Variants in RAB3GAP2 observed in about 807,000 individuals in gnomAD.
RAB3GAP2 encodes the protein RAB3 GTPase activating non-catalytic protein subunit 2, also known as rab3 GTPase-activating protein non-catalytic subunit.
Under a neutral mutation model 185.3 loss-of-function variants are expected in RAB3GAP2, and 87 were observed. The ratio of observed to expected loss-of-function variants is 0.47; its 90% confidence interval spans 0.39 to 0.56. The LOEUF (loss-of-function observed/expected upper bound fraction) is 0.56, where lower values mean the gene tolerates loss of function less well. RAB3GAP2 is among the 20% of genes least tolerant of loss of function. The probability of loss-of-function intolerance (pLI) is 0.00; values close to 1 mark genes in which losing one functional copy is unlikely to be tolerated. For synonymous variants in RAB3GAP2, 554 were observed against 576.1 expected (o/e 0.96, Z 0.55); for missense variants, 1,492 against 1,638.2 (o/e 0.91, Z 1.54).
At chr1:220,245,410 A>T (rs12562531) in intron 1 of RAB3GAP2, among the ~76,000 whole-genome samples, 2 of 152,090 alleles carry the variant, frequency 1.3e-5, no homozygotes, top group Non-Finnish European at 1.5e-5. Flanking sequence ...TGGTGACGGA[A>T]GCACCTGGAA....
At chr1:220,202,190 A>C (rs1157013874) in intron 9 of RAB3GAP2, 86 bp downstream of exon 9, 3 of 1,389,110 alleles carry the variant, frequency 2.2e-6, no homozygotes, top group Non-Finnish European at 2.9e-6. Flanking sequence ...TAAATAAAGA[A>C]TAAATGCCCA....
chr1:220,235,834 AAAAG>A (rs1659580744), intron 1 of RAB3GAP2, among the ~76,000 whole-genome samples: 1 of 152,204 alleles, frequency 6.6e-6, no homozygotes, highest in South Asian at 2.1e-4. Context: ...AACCTCCAAG[AAAAG>A]AAAGACCTTG....
Position 220,226,227 on chromosome 1 carries a change from C to T in RAB3GAP2, c.180+6572G>A, listed in dbSNP as rs74139294. Among the ~76,000 whole-genome samples, 1,227 of 152,270 alleles carry T rather than the reference C, an allele frequency of 8.1e-3. 13 individuals carry two copies. Among genetic ancestry groups the T allele is most frequent in the African/African-American group, 0.028 (1,175 of 41,554 alleles). ...TATTGAGCAAATCCCCAAGTCTATACTTCCTACCATTGGCCTTAATACACC... is the reference window on the plus strand; with the variant it reads ...TATTGAGCAAATCCCCAAGTCTATATTTCCTACCATTGGCCTTAATACACC... On this transcript the variant is annotated intron_variant, in intron 2 of 34. Coordinates refer to ENST00000358951, the MANE Select transcript of RAB3GAP2 (RefSeq NM_012414.4).
At chr1:220,237,191 G>C (rs1320241526) in intron 1 of RAB3GAP2, among the ~76,000 whole-genome samples, 3 of 152,144 alleles carry the variant, frequency 2.0e-5, no homozygotes, top group African/African-American at 7.2e-5. Flanking sequence ...TCTAGATCCA[G>C]TGTAAAGATT....
chr1:220,240,768 T>G (rs1659683464), intron 1 of RAB3GAP2, among the ~76,000 whole-genome samples: 1 of 152,162 alleles, frequency 6.6e-6, no homozygotes, highest in Non-Finnish European at 1.5e-5. Flanking sequence ...TTTAACTTTT[T>G]TTTTATACCT....
chr1:220,250,620 T>C (rs1377297530), intron 1 of RAB3GAP2, among the ~76,000 whole-genome samples: 2 of 152,178 alleles, frequency 1.3e-5, no homozygotes, highest in Non-Finnish European at 2.9e-5. Context: ...GGTTTGGCCA[T>C]GTCCCCACCG....
At chr1:220,200,278 C>A (rs1309868090) in intron 9 of RAB3GAP2, among the ~76,000 whole-genome samples, 1 of 152,170 alleles carries the variant, frequency 6.6e-6, no homozygotes, top group African/African-American at 2.4e-5. Context: ...CTTGGAGAGG[C>A]CTTTCCTCAC....
intron 27 of RAB3GAP2, among the ~76,000 whole-genome samples, chr1:220,164,344 G>C (rs980542748): frequency 6.6e-6 from 1 of 151,844 alleles, no homozygotes; most frequent in Non-Finnish European, 1.5e-5. Context: ...TACACTCAGG[G>C]ATAGTAGTCA....
intron 1 of RAB3GAP2, among the ~76,000 whole-genome samples, chr1:220,263,739 T>C (rs1019806591): frequency 6.6e-6 from 1 of 152,104 alleles, no homozygotes; most frequent in South Asian, 2.1e-4. Context: ...AACTTGTTTC[T>C]TCTTTTCCAA....
chr1:220,260,580 C>A (rs1441166766), intron 1 of RAB3GAP2, among the ~76,000 whole-genome samples: 4 of 151,734 alleles, frequency 2.6e-5, no homozygotes, highest in Admixed American at 1.3e-4. Flanking sequence ...GGACAAAACA[C>A]ACTGGGGCCT....
At chr1:220,174,418 G>A (rs1181522083) in intron 21 of RAB3GAP2, among the ~76,000 whole-genome samples, 1 of 152,060 alleles carries the variant, frequency 6.6e-6, no homozygotes, top group African/African-American at 2.4e-5. Context: ...TAGTAGGTAG[G>A]TGTATATTTG....
At chr1:220,154,705 A>G (rs545595293) in intron 31 of RAB3GAP2, among the ~76,000 whole-genome samples, 1 of 149,512 alleles carries the variant, frequency 6.7e-6, no homozygotes, top group African/African-American at 2.5e-5. Context: ...AGTAATACAT[A>G]TATGTACCCT....
At chr1:220,193,476 T>C (rs1658663943) in intron 12 of RAB3GAP2, 97 bp from the exon 13 acceptor site, 3 of 1,184,496 alleles carry the variant, frequency 2.5e-6, no homozygotes, top group South Asian at 1.4e-5. Flanking sequence ...GCTGAATCTG[T>C]TTTTATATAA....
intron 2 of RAB3GAP2, chr1:220,219,706 C>G (rs2102885182): frequency 6.6e-6 from 1 of 152,318 alleles, no homozygotes; most frequent in Admixed American, 6.5e-5. Flanking sequence ...TCAGGGAAGT[C>G]TCAAGTCTAA....
chr1:220,215,242 C>G (rs185639734), intron 2 of RAB3GAP2, among the ~76,000 whole-genome samples: 1 of 152,042 alleles, frequency 6.6e-6, no homozygotes, highest in East Asian at 1.9e-4. Context: ...AGTAAAATTG[C>G]TGGGTCAAAG....
intron 1 of RAB3GAP2, among the ~76,000 whole-genome samples, chr1:220,263,374 C>T (rs1006396384): frequency 6.6e-6 from 1 of 152,060 alleles, no homozygotes; most frequent in African/African-American, 2.4e-5. Flanking sequence ...CATGCAAGTC[C>T]AATGTCATGA....
Position 220,167,511 on chromosome 1 carries a change from C to A in RAB3GAP2, c.2971G>T (p.Ala991Ser), listed in dbSNP as rs767462280. The A allele has an allele frequency of 5.6e-6, 9 of 1,614,126 alleles. No individual in the cohort carries two copies. In the South Asian group the frequency reaches 9.9e-5, roughly 18 times the overall value. The change falls in exon 25 of 35, where the codon GCC becomes TCC. Residue 991 changes from alanine (A) to serine (S), a missense_variant. Ala to Ser is a moderately conservative substitution (Grantham distance 99). Around this residue, in one of 5 missense-constraint regions of RAB3GAP2, gnomAD observed 681 missense variants for 689.1 expected, o/e 0.99. Transcript: ENST00000358951. ...ATTATTTGTGTATCACCTGGTATGG[C>A]TCCTAAGTCCATCTCCATCTCTGAT... is the stretch of plus-strand genomic sequence containing the variant. ...EVSEMEMDLGAIPDLLHLAYE... is the reference protein window; with the variant it reads ...EVSEMEMDLGSIPDLLHLAYE...
At position 220,202,313 on chromosome 1, in the gene RAB3GAP2, T is replaced by C. The variant is rs576411922; in HGVS notation, c.774A>G (p.Leu258=). ...GATCAATAATAGTGTCAATATCTTG[T>C]AGACCCCATTTCTTATAAGCTAATG... ...PPPLAYKKWG[L]QDIDTIIDHA... The change falls in exon 9 of 35, where the codon CTA becomes CTG. Residue 258 remains leucine (L), a synonymous_variant. Coordinates refer to ENST00000358951, the MANE Select transcript of RAB3GAP2 (RefSeq NM_012414.4). The C allele has an allele frequency of 6.9e-5, 112 of 1,613,972 alleles. 1 individual carries two copies. The South Asian group carries it at 1.1e-3, about 16-fold the overall frequency.
intron 1 of RAB3GAP2, among the ~76,000 whole-genome samples, chr1:220,246,059 G>A (rs1453422078): frequency 2.0e-5 from 3 of 152,016 alleles, no homozygotes; most frequent in Admixed American, 6.5e-5. Flanking sequence ...AATCTACAGT[G>A]AACTCAAACA....
Sources: gnomAD v4.1 joint callset for allele counts (sites outside exome capture counted in the v4.1 genomes callset) on GRCh38, gnomAD v4.1.1 for gene constraint, gnomAD v4.1.1 regional missense constraint, MANE v1.5 for transcripts, NCBI Gene and HGNC (gene_info 2026-07-23, HGNC 2026-07-21) for gene names.